The following DOCK9 variants were observed in gnomAD, a reference collection of about 807,000 sequenced individuals.
DOCK9 encodes dedicator of cytokinesis protein 9.
DOCK9 carries 89 observed loss-of-function variants against 263.3 expected under a neutral mutation model. The ratio of observed to expected loss-of-function variants is 0.34; its 90% confidence interval spans 0.28 to 0.40. The LOEUF (loss-of-function observed/expected upper bound fraction) is 0.40. DOCK9 is among the 10% of genes least tolerant of loss of function. The pLI, the probability that DOCK9 is intolerant of heterozygous loss-of-function variation, is 1.00. For missense variants in DOCK9, 2,140 were observed against 2,603.4 expected (o/e 0.82, Z 3.87); for synonymous variants, 976 against 973.1 (o/e 1.00, Z -0.06).
intron 1 of DOCK9, among the ~76,000 whole-genome samples, chr13:99,035,361 C>T (rs551050705): frequency 6.6e-6 from 1 of 152,330 alleles, no homozygotes; most frequent in Admixed American, 6.5e-5. Context: ...AATAGCAGTG[C>T]TGGTGGGCCT....
Position 98,828,005 on chromosome 13 carries a change from G to A in DOCK9, c.4966-1118C>T, listed in dbSNP as rs117262011. ...TAAGATGAGGTCATACTGGTGTGTG[G>A]TGGGCCCTAAATTCAACATTACTGG... On this transcript the variant is annotated intron_variant, in intron 43 of 52. Coordinates refer to ENST00000682017, the MANE Select transcript of DOCK9 (RefSeq NM_001366683.2). 3.3e-5 allele frequency among the ~76,000 whole-genome samples: 5 copies of A among 152,328 alleles called. No homozygotes were observed. The South Asian group carries it at 1.0e-3, about 32-fold the overall frequency.
At chr13:98,931,750 AC>A (rs2053976932) in intron 2 of DOCK9, among the ~76,000 whole-genome samples, 1 of 151,962 alleles carries the variant, frequency 6.6e-6, no homozygotes, top group Non-Finnish European at 1.5e-5. Flanking sequence ...GGCGGGCGCC[AC>A]CACACCCGCC....
At chr13:99,047,650 C>G (rs1001385075) in intron 1 of DOCK9, among the ~76,000 whole-genome samples, 5 of 151,842 alleles carry the variant, frequency 3.3e-5, no homozygotes, top group Admixed American at 6.6e-5. Context: ...TCCTGAGTAG[C>G]TGGGACTACA....
chr13:98,810,156 G>A lies in DOCK9; in HGVS notation c.5253+13C>T, dbSNP rs371444120. On this transcript the variant is annotated intron_variant, in intron 46 of 52. Transcript: ENST00000682017. ...CTCTCAAATAGGAAAAAAACAAAAA[G>A]GCACTCTCATACCTCAAAATCCCTC... is the stretch of plus-strand genomic sequence containing the variant. 3.7e-6 allele frequency: 6 copies of A among 1,613,644 alleles called. No homozygotes were observed. The African/African-American group carries it at 6.7e-5, about 18-fold the overall frequency.
chr13:98,968,260 T>C (rs2064553416), intron 1 of DOCK9, among the ~76,000 whole-genome samples: 1 of 152,242 alleles, frequency 6.6e-6, no homozygotes, highest in African/African-American at 2.4e-5. Flanking sequence ...TTGGAAATAC[T>C]GGGTTAAAAT....
intron 1 of DOCK9, among the ~76,000 whole-genome samples, chr13:99,010,402 T>C (rs956141042): frequency 2.0e-5 from 3 of 152,228 alleles, no homozygotes; most frequent in African/African-American, 7.2e-5. Context: ...CAGCCCAAGC[T>C]TCCTTCTGAA....
Position 98,977,919 on chromosome 13 carries a change from A to C in DOCK9, c.-10T>G. The stretch of plus-strand genomic sequence containing the variant: ...ATTTATCAGCCTGCATTCTCGGCTG[A>C]AAACGCAAGTCAGAAAGTCTGCAAC... On this transcript the variant is annotated 5_prime_UTR_variant, in exon 1 of 53. Transcript: ENST00000682017. 2 of 1,573,800 alleles carry C rather than the reference A, an allele frequency of 1.3e-6. No homozygotes were observed. Among genetic ancestry groups the C allele is most frequent in the Non-Finnish European group, 1.7e-6 (2 of 1,158,384 alleles).
At chr13:98,803,555 G>A (rs563909338) in intron 49 of DOCK9, among the ~76,000 whole-genome samples, 1 of 152,264 alleles carries the variant, frequency 6.6e-6, no homozygotes, top group Admixed American at 6.5e-5. Context: ...GTTCCCTGGG[G>A]GTGCTGATGC....
At chr13:98,989,956 A>G (rs1327592270) in intron 1 of DOCK9, among the ~76,000 whole-genome samples, 2 of 152,210 alleles carry the variant, frequency 1.3e-5, no homozygotes. Flanking sequence ...ACATCTTTCA[A>G]ATATTTGTAA....
chr13:99,049,213 T>C (rs995424256), intron 1 of DOCK9, among the ~76,000 whole-genome samples: 1 of 152,248 alleles, frequency 6.6e-6, no homozygotes, highest in Non-Finnish European at 1.5e-5. Flanking sequence ...ACTGTTCATC[T>C]GAGTATGTTT....
intron 1 of DOCK9, among the ~76,000 whole-genome samples, chr13:99,004,143 C>T (rs541189846): frequency 3.3e-5 from 5 of 152,300 alleles, no homozygotes; most frequent in South Asian, 4.1e-4. Flanking sequence ...AGGAGCCCTG[C>T]GTAGGTGCTT....
In DOCK9 at chr13:98,902,957, A is replaced by T. The variant is rs1313528386; in HGVS notation, c.1176+15T>A. On this transcript the variant is annotated intron_variant, in intron 11 of 52. Transcript: ENST00000682017. ...TATTTTTTTTTTAATGTTTATTTTT[A>T]AAATGAAAAATTACATTTGTAGTGG... is the stretch of plus-strand genomic sequence containing the variant. The T allele has an allele frequency of 1.1e-5, 17 of 1,497,070 alleles. No individual in the cohort carries two copies. Among genetic ancestry groups the T allele is most frequent in the Non-Finnish European group, 1.5e-5 (17 of 1,128,728 alleles). The allele number at this position is 1,497,070 out of a possible 1,614,324, so 92.7% of individuals were successfully genotyped here.
Position 98,794,683 on chromosome 13 carries a change from A to G in DOCK9, c.6222T>C (p.Ser2074=). 2.5e-6 allele frequency: 4 copies of G among 1,613,820 alleles called. No homozygotes were observed. The highest frequency in any genetic ancestry group is 3.4e-6 in the Non-Finnish European group (4 of 1,179,836). Residue 2074 remains serine (S), a synonymous_variant, in exon 53 of 53, where the codon AGT becomes AGC. Coordinates refer to ENST00000682017, the MANE Select transcript of DOCK9 (RefSeq NM_001366683.2). ...GAACCATTGTGCTTGTTGGAGTCCCACTGATGGCGTTGAAGATGTGAAGGG... is the reference window on the plus strand; with the variant it reads ...GAACCATTGTGCTTGTTGGAGTCCCGCTGATGGCGTTGAAGATGTGAAGGG... ...PNSLHIFNAI[S]GTPTSTMVHG...
intron 1 of DOCK9, chr13:99,015,453 G>C: frequency 6.3e-7 from 1 of 1,593,464 alleles, no homozygotes; most frequent in Non-Finnish European, 8.5e-7. Flanking sequence ...TTACCAGCCA[G>C]GAGGAGATCA....
At chr13:98,861,024 C>T (rs1443294095) in intron 32 of DOCK9, among the ~76,000 whole-genome samples, 8 of 152,044 alleles carry the variant, frequency 5.3e-5, no homozygotes, top group South Asian at 2.1e-4. Flanking sequence ...GGTCAAAAAA[C>T]GGGATTTTAC....
At chr13:98,874,066 C>T (rs564923051) in intron 27 of DOCK9, among the ~76,000 whole-genome samples, 31 of 152,298 alleles carry the variant, frequency 2.0e-4, no homozygotes, top group African/African-American at 7.0e-4. Flanking sequence ...TAAAAGTCTA[C>T]AGTTTGGTGA....
At chr13:98,797,039 G>A (rs185951974) in intron 52 of DOCK9, 76 bp downstream of exon 52, 19 of 1,484,882 alleles carry the variant, frequency 1.3e-5, no homozygotes, top group South Asian at 4.6e-5. Context: ...GATATCAGGC[G>A]GCCTAAGTCA....
intron 6 of DOCK9, among the ~76,000 whole-genome samples, chr13:98,921,638 T>A (rs1362502616): frequency 6.6e-6 from 1 of 152,230 alleles, no homozygotes; most frequent in Admixed American, 6.5e-5. Flanking sequence ...CCTTCTCTTC[T>A]ATGCAACTAT....
chr13:98,818,850 T>TGC (rs951308711), intron 45 of DOCK9, among the ~76,000 whole-genome samples: 21 of 152,164 alleles, frequency 1.4e-4, no homozygotes, highest in South Asian at 1.0e-3. Context: ...TGTGTGTGTG[T>TGC]GCGCACACAT....
Sources: gnomAD v4.1 joint callset for allele counts (sites outside exome capture counted in the v4.1 genomes callset) on GRCh38, gnomAD v4.1.1 for gene constraint, MANE v1.5 for transcripts, NCBI Gene and HGNC (gene_info 2026-07-23, HGNC 2026-07-21) for gene names.